The following SHISA6 variants were observed in gnomAD, a reference collection of about 807,000 sequenced individuals.
SHISA6 encodes protein shisa-6.
A neutral mutation model predicts 47.9 loss-of-function variants in SHISA6; 22 were observed. The ratio of observed to expected loss-of-function variants is 0.46; its 90% CI spans 0.33 to 0.66. The LOEUF (loss-of-function observed/expected upper bound fraction) is 0.66. Ranked by LOEUF, SHISA6 falls within the 30% of genes least tolerant of loss-of-function variation. The pLI, the probability that SHISA6 is intolerant of heterozygous loss-of-function variation, is 0.02. For missense variants in SHISA6, 680 were observed against 764.6 expected (o/e 0.89, Z 1.30); for synonymous variants, 388 against 337.8 (o/e 1.15, Z -1.63).
intron 2 of SHISA6, among the ~76,000 whole-genome samples, chr17:11,296,819 G>C (rs1644067818): frequency 6.6e-6 from 1 of 152,128 alleles, no homozygotes; most frequent in Non-Finnish European, 1.5e-5. Flanking sequence ...ATCAGAAAGG[G>C]AGTAGAAGGA....
intron 3 of SHISA6, among the ~76,000 whole-genome samples, chr17:11,492,619 T>C (rs1169808246): frequency 2.0e-5 from 3 of 152,178 alleles, no homozygotes; most frequent in Non-Finnish European, 4.4e-5. Flanking sequence ...TGGTGAGGGC[T>C]CAGTGAACAC....
intron 2 of SHISA6, among the ~76,000 whole-genome samples, chr17:11,316,197 C>G (rs1045620253): frequency 2.0e-4 from 31 of 151,574 alleles, no homozygotes; most frequent in African/African-American, 7.0e-4. Flanking sequence ...CACAGTAACT[C>G]TTGTTACTTT....
intron 3 of SHISA6, among the ~76,000 whole-genome samples, chr17:11,498,222 G>T (rs747495398): frequency 2.2e-4 from 34 of 152,142 alleles, no homozygotes; most frequent in African/African-American, 3.4e-4. Flanking sequence ...AAAGTCCTTT[G>T]TAGAGTGTTC....
At chr17:11,406,791 C>G (rs189505105) in intron 3 of SHISA6, among the ~76,000 whole-genome samples, 35 of 152,254 alleles carry the variant, frequency 2.3e-4, no homozygotes, top group East Asian at 2.1e-3. Context: ...AGAAACTGAT[C>G]TGTTTTAGCA....
intron 2 of SHISA6, among the ~76,000 whole-genome samples, chr17:11,304,028 C>T (rs1910019814): frequency 6.6e-6 from 1 of 152,182 alleles, no homozygotes; most frequent in Non-Finnish European, 1.5e-5. Context: ...ACTGTTTCTG[C>T]ACAGACGAAT....
In SHISA6 at chr17:11,324,908, C is replaced by T. The variant is rs537024878; in HGVS notation, c.800-54506C>T. Among the ~76,000 whole-genome samples the T allele has an allele frequency of 2.5e-4, 38 of 152,118 alleles. 1 individual carries two copies. Among genetic ancestry groups the T allele is most frequent in the Non-Finnish European group, 4.3e-4 (29 of 68,028 alleles). ...AGTAGCACAGCGAGGGCCGGGTCTC[C>T]AATCACCTGCCTATCTGGTCCCTGG... On this transcript the variant is annotated intron_variant, in intron 2 of 5. Coordinates refer to ENST00000441885, the MANE Select transcript of SHISA6 (RefSeq NM_207386.4).
At position 11,241,333 on chromosome 17, in the gene SHISA6, C is replaced by T. The variant is rs1188589942; in HGVS notation, c.-90C>T. 5.9e-6 allele frequency: 5 copies of T among 854,602 alleles called. No homozygotes were observed. The highest frequency in any genetic ancestry group is 1.8e-5 in the African/African-American group (1 of 54,232). The allele number at this position is 854,602 out of a possible 1,614,324, so 52.9% of individuals were successfully genotyped here. A position where few individuals can be genotyped will look rare whatever the true frequency, so the allele number is the denominator to read the frequency against. On this transcript the variant is annotated 5_prime_UTR_variant, in exon 1 of 6. Transcript: ENST00000441885. This position sits in a 1 kb window ranked among gnomAD's most constrained non-coding sequence, Gnocchi z 5.5. ...CCGCTGACCGCTCAGCGCCTCCAGC[C>T]CGGCCCGCGCGGCGGGTCCTCCGAG... is the stretch of plus-strand genomic sequence containing the variant.
At chr17:11,451,099 G>A (rs1915388108) in intron 3 of SHISA6, among the ~76,000 whole-genome samples, 1 of 151,892 alleles carries the variant, frequency 6.6e-6, no homozygotes, top group South Asian at 2.1e-4. Flanking sequence ...GGAGAAGCTG[G>A]GAAATGAGGA....
rs1172751262 is a variant in SHISA6 at position 11,360,566 on chromosome 17, GA to G, written c.800-18834del. ...CAGAGCAAGACTCTGTCTCAAGAAG[GA>G]AAAAAAAAAAAAAGAGAACACATGG... is the stretch of plus-strand genomic sequence containing the variant. On this transcript the variant is annotated intron_variant, in intron 2 of 5. Transcript: ENST00000441885. Among the ~76,000 whole-genome samples, 897 of 128,134 alleles carry G rather than the reference GA, an allele frequency of 7.0e-3. 7 individuals carry two copies. Among genetic ancestry groups the G allele is most frequent in the Non-Finnish European group, 0.01 (613 of 59,456 alleles). 84.1% of individuals were successfully genotyped at this position (128,134 alleles called of 152,430 possible).
At chr17:11,398,830 G>T (rs531809954) in intron 3 of SHISA6, among the ~76,000 whole-genome samples, 2 of 151,960 alleles carry the variant, frequency 1.3e-5, no homozygotes, top group Non-Finnish European at 2.9e-5. Context: ...TGACCTTGTG[G>T]TCTACCTGCT....
chr17:11,266,192 G>T (rs1211897988), intron 2 of SHISA6, among the ~76,000 whole-genome samples: 1 of 152,156 alleles, frequency 6.6e-6, no homozygotes, highest in Non-Finnish European at 1.5e-5. Flanking sequence ...CTGTAATTTT[G>T]CCACTCATCA....
chr17:11,459,111 C>T (rs560677412), intron 3 of SHISA6, among the ~76,000 whole-genome samples: 2 of 150,296 alleles, frequency 1.3e-5, no homozygotes, highest in African/African-American at 2.5e-5. Context: ...CCCAGCTACT[C>T]GGGAGACTGA....
At chr17:11,341,994 C>T (rs1911546678) in intron 2 of SHISA6, among the ~76,000 whole-genome samples, 1 of 152,132 alleles carries the variant, frequency 6.6e-6, no homozygotes, top group Non-Finnish European at 1.5e-5. Context: ...CTCTGCACCT[C>T]CCCATCCTCC....
chr17:11,521,748 A>G (rs929828216), intron 3 of SHISA6, among the ~76,000 whole-genome samples: 1 of 152,084 alleles, frequency 6.6e-6, no homozygotes, highest in African/African-American at 2.4e-5. Flanking sequence ...AAGTGCAGTG[A>G]GCTAGGATCA....
intron 3 of SHISA6, among the ~76,000 whole-genome samples, chr17:11,522,557 G>A (rs748694694): frequency 3.8e-4 from 58 of 152,320 alleles, no homozygotes; most frequent in Non-Finnish European, 6.3e-4. Flanking sequence ...TGCCTGCTAT[G>A]AAAATGGTGT....
chr17:11,472,576 A>G (rs1915960737), intron 3 of SHISA6, among the ~76,000 whole-genome samples: 1 of 152,230 alleles, frequency 6.6e-6, no homozygotes, highest in Non-Finnish European at 1.5e-5. Context: ...CACCTACTGA[A>G]GGACATCTTA....
At chr17:11,384,088 G>C (rs1389625700) in intron 3 of SHISA6, among the ~76,000 whole-genome samples, 1 of 152,188 alleles carries the variant, frequency 6.6e-6, no homozygotes, top group Non-Finnish European at 1.5e-5. Context: ...GGGAGAGCTC[G>C]TTACCTTCAT....
chr17:11,301,757 C>T (rs1441668452), intron 2 of SHISA6, among the ~76,000 whole-genome samples: 1 of 152,182 alleles, frequency 6.6e-6, no homozygotes, highest in East Asian at 1.9e-4. Flanking sequence ...GCAGGTGTGA[C>T]TCCTTCAAGG....
intron 3 of SHISA6, among the ~76,000 whole-genome samples, chr17:11,464,911 C>T (rs1458321166): frequency 2.0e-5 from 3 of 150,230 alleles, no homozygotes; most frequent in Non-Finnish European, 3.0e-5. Context: ...CATTGCACTC[C>T]AGCCTGGGTG....
Sources: allele counts gnomAD v4.1 joint callset (sites outside exome capture counted in the v4.1 genomes callset), GRCh38; gene constraint gnomAD v4.1.1; non-coding constraint Gnocchi (gnomAD v3.1); transcripts MANE v1.5; gene names NCBI Gene and HGNC (gene_info 2026-07-23, HGNC 2026-07-21).